The following MCTP1 variants were observed in gnomAD, a reference collection of about 807,000 sequenced individuals.
The protein encoded by MCTP1 is multiple C2 and transmembrane domain-containing protein 1.
MCTP1 carries 69 observed loss-of-function variants against 120.6 expected under a neutral mutation model. The ratio of observed to expected loss-of-function variants is 0.57; its 90% CI spans 0.47 to 0.70. The LOEUF (loss-of-function observed/expected upper bound fraction) is 0.70, where lower values mean the gene tolerates loss of function less well. Among genes scored for constraint, MCTP1 ranks in the 30% least tolerant of loss-of-function variants. The probability of loss-of-function intolerance (pLI) is 0.00; values close to 1 mark genes in which losing one functional copy is unlikely to be tolerated. For missense variants in MCTP1, 1,203 were observed against 1,248.8 expected (o/e 0.96, Z 0.55); for synonymous variants, 529 against 493.1 (o/e 1.07, Z -0.96).
Position 94,794,225 on chromosome 5 carries a change from C to A in MCTP1, c.2556+4788G>T, listed in dbSNP as rs1779542540. 2.0e-5 allele frequency among the ~76,000 whole-genome samples: 3 copies of A among 152,140 alleles called. No individual in the cohort carries two copies. The South Asian group carries it at 6.2e-4, about 32-fold the overall frequency. ...AAAATGAATGTTCTTTTAAAGTGTA[C>A]TTAAAAAACATTGAAGAATTTTTTT... is the stretch of plus-strand genomic sequence containing the variant. On this transcript the variant is annotated intron_variant, in intron 18 of 22. Transcript: ENST00000515393.
At chr5:94,755,862 G>C (rs115215348) in intron 19 of MCTP1, among the ~76,000 whole-genome samples, 2 of 152,010 alleles carry the variant, frequency 1.3e-5, no homozygotes, top group African/African-American at 4.8e-5. Flanking sequence ...CCTCTTCTTT[G>C]AACTCTAGAT....
intron 7 of MCTP1, 38 bp from the exon 8 acceptor site, chr5:94,918,011 C>G (rs762400638): frequency 2.0e-6 from 3 of 1,517,454 alleles, no homozygotes; most frequent in South Asian, 1.1e-5. Context: ...TACGGGGAAG[C>G]TTTGTACCAT....
chr5:94,832,765 T>C (rs183559761), intron 17 of MCTP1, among the ~76,000 whole-genome samples: 2 of 152,350 alleles, frequency 1.3e-5, no homozygotes, highest in Admixed American at 1.3e-4. Flanking sequence ...TTGTGGGCCC[T>C]TGTAGTGCAA....
intron 1 of MCTP1, among the ~76,000 whole-genome samples, chr5:95,170,366 G>A (rs996926853): frequency 5.3e-5 from 8 of 152,224 alleles, no homozygotes; most frequent in Non-Finnish European, 7.3e-5. Context: ...GCAATGTGGT[G>A]CTTAGTAGAA....
rs183664289 is a variant in MCTP1, at chr5:94,744,064, G to A, written c.2611-29178C>T. Among the ~76,000 whole-genome samples the A allele has an allele frequency of 5.3e-4, 81 of 151,456 alleles. 2 individuals carry two copies. In the South Asian group the frequency reaches 0.01, roughly 20 times the overall value. On this transcript the variant is annotated intron_variant, in intron 19 of 22. Coordinates refer to ENST00000515393, the MANE Select transcript of MCTP1 (RefSeq NM_024717.7). ...CAGCTCACTGCAACCTCTGCTTCCC[G>A]GGCTCAAGTGATCCTCCCACCTCAG... is the stretch of plus-strand genomic sequence containing the variant.
intron 1 of MCTP1, among the ~76,000 whole-genome samples, chr5:95,092,460 C>T (rs1755922750): frequency 1.3e-5 from 2 of 152,112 alleles, no homozygotes; most frequent in South Asian, 4.1e-4. Context: ...TTCTGTAGTA[C>T]TACAGGGTGA....
intron 19 of MCTP1, among the ~76,000 whole-genome samples, chr5:94,772,920 C>T (rs1774405993): frequency 6.6e-6 from 1 of 152,156 alleles, no homozygotes. Flanking sequence ...TAGCAATTCA[C>T]TTAAATTTGG....
intron 1 of MCTP1, among the ~76,000 whole-genome samples, chr5:95,150,442 G>A (rs981636822): frequency 1.3e-5 from 2 of 152,130 alleles, no homozygotes; most frequent in African/African-American, 4.8e-5. Flanking sequence ...GGTATCCTAA[G>A]TAAGAGTCAA....
chr5:94,918,270 T>A (rs1232784087), intron 7 of MCTP1, among the ~76,000 whole-genome samples: 1 of 152,176 alleles, frequency 6.6e-6, no homozygotes, highest in Non-Finnish European at 1.5e-5. Context: ...TTTTTGTTAA[T>A]AGGTGCATCA....
chr5:94,724,057 T>C (rs1442538715), intron 19 of MCTP1, among the ~76,000 whole-genome samples: 6 of 152,082 alleles, frequency 3.9e-5, no homozygotes, highest in African/African-American at 9.7e-5. Context: ...GAAACACAAA[T>C]GACATAAAGT....
chr5:94,858,388 T>C (rs149885679), intron 17 of MCTP1, among the ~76,000 whole-genome samples: 269 of 151,686 alleles, frequency 1.8e-3, no homozygotes, highest in South Asian at 6.2e-3. Context: ...AAACATAAGG[T>C]ACACATTTAT....
intron 1 of MCTP1, among the ~76,000 whole-genome samples, chr5:95,186,614 A>G (rs1749237735): frequency 6.6e-6 from 1 of 152,220 alleles, no homozygotes; most frequent in Admixed American, 6.5e-5. Flanking sequence ...TGAGTTTAAT[A>G]TAATTCCTAT....
intron 1 of MCTP1, among the ~76,000 whole-genome samples, chr5:95,211,958 T>G (rs1341446666): frequency 6.6e-6 from 1 of 152,042 alleles, no homozygotes; most frequent in Non-Finnish European, 1.5e-5. Flanking sequence ...TTAAAAGAAC[T>G]AGAAAAGCAA....
chr5:94,867,239 A>G, intron 17 of MCTP1: 1 of 1,454,912 alleles, frequency 6.9e-7, no homozygotes, highest in Non-Finnish European at 9.1e-7. Flanking sequence ...AAACTTAACG[A>G]TAATGACAAT....
chr5:95,034,964 G>C (rs942219166), intron 1 of MCTP1, among the ~76,000 whole-genome samples: 2 of 151,958 alleles, frequency 1.3e-5, no homozygotes, highest in Non-Finnish European at 2.9e-5. Context: ...ATAACCATTT[G>C]AAAAATGCTC....
intron 1 of MCTP1, among the ~76,000 whole-genome samples, chr5:95,018,222 CAT>C (rs2153669079): frequency 6.6e-6 from 1 of 152,088 alleles, no homozygotes; most frequent in Non-Finnish European, 1.5e-5. Flanking sequence ...ACAAATGAAA[CAT>C]GTAGTAAAAA....
chr5:95,099,822 A>T (rs1756583908), intron 1 of MCTP1, among the ~76,000 whole-genome samples: 1 of 149,244 alleles, frequency 6.7e-6, no homozygotes, highest in African/African-American at 2.5e-5. Flanking sequence ...ACACATGCAC[A>T]CGTATGTTTA....
At chr5:94,791,647 A>G (rs1778996053) in intron 18 of MCTP1, among the ~76,000 whole-genome samples, 1 of 152,254 alleles carries the variant, frequency 6.6e-6, no homozygotes, top group Admixed American at 6.5e-5. Flanking sequence ...AGGTGATTCA[A>G]TTTTTATAAA....
At chr5:95,013,975 T>A (rs1369128401) in intron 2 of MCTP1, among the ~76,000 whole-genome samples, 1 of 151,962 alleles carries the variant, frequency 6.6e-6, no homozygotes, top group Non-Finnish European at 1.5e-5. Flanking sequence ...AAAGAACATT[T>A]CTTGGCTGGG....
Sources: gnomAD v4.1 joint callset for allele counts (sites outside exome capture counted in the v4.1 genomes callset) on GRCh38, gnomAD v4.1.1 for gene constraint, MANE v1.5 for transcripts, NCBI Gene and HGNC (gene_info 2026-07-23, HGNC 2026-07-21) for gene names.